The following LMO4 variants were observed in gnomAD, a reference collection of about 807,000 sequenced individuals.
LMO4 encodes the protein LIM domain transcription factor LMO4.
In LMO4, 3 loss-of-function variants were observed where a neutral mutation model predicts 18.5. The observed-to-expected ratio is 0.16, with a 90% CI of 0.07 to 0.42. The LOEUF (loss-of-function observed/expected upper bound fraction) is 0.42. LMO4 is among the 10% of genes least tolerant of loss of function. The pLI is 0.99. For missense variants in LMO4, 121 were observed against 219.9 expected, an observed-to-expected ratio of 0.55 and a Z score of 2.84; for synonymous variants, 100 against 88.1, an observed-to-expected ratio of 1.14 and a Z score of -0.76.
In LMO4 at chr1:87,336,867, T is replaced by G. The variant is rs115381679; in HGVS notation, c.237-2669T>G. 5.9e-3 allele frequency among the ~76,000 whole-genome samples: 896 copies of G among 152,266 alleles called. 8 individuals are homozygous for G. Among genetic ancestry groups the G allele is most frequent in the African/African-American group, 0.019 (797 of 41,542 alleles). ...CCATTATAGTCCAGTCTGAGACCGA[T>G]AGCTACTTAATTGAGCACCTAAAGC... On this transcript the variant is annotated intron_variant, in intron 2 of 4. Transcript: ENST00000370544.
intron 1 of LMO4, among the ~76,000 whole-genome samples, chr1:87,329,862 A>G (rs1650082890): frequency 6.6e-6 from 1 of 152,202 alleles, no homozygotes; most frequent in South Asian, 2.1e-4. Flanking sequence ...TCTCCATTAA[A>G]AAACACCAGA....
At chr1:87,339,951 T>C (rs1328549597) in intron 3 of LMO4, 96 bp from the exon 4 acceptor site, 1 of 1,367,170 alleles carries the variant, frequency 7.3e-7, no homozygotes, top group East Asian at 2.3e-5. Context: ...GTCTCTGTAC[T>C]TGACAGATAC....
chr1:87,337,064 T>A (rs1473491101), intron 2 of LMO4, among the ~76,000 whole-genome samples: 1 of 152,236 alleles, frequency 6.6e-6, no homozygotes, highest in Non-Finnish European at 1.5e-5. Context: ...GGGATTAGAA[T>A]GTGTATAGAC....
rs1235727035 is a variant in LMO4 at position 87,329,436 on chromosome 1, C to T, written c.-4+192C>T. Among the ~76,000 whole-genome samples the T allele has an allele frequency of 2.0e-5, 3 of 152,198 alleles. No individual in the cohort carries two copies. In the East Asian group the frequency reaches 5.8e-4, roughly 29 times the overall value. ...GCCTGCGAGCTAGCGCGGAGGGCAG[C>T]CCCGGGCCGCCAGCTTTGTAGCGGT... is the stretch of plus-strand genomic sequence containing the variant. On this transcript the variant is annotated intron_variant, in intron 1 of 4. Transcript: ENST00000370544.
intron 1 of LMO4, among the ~76,000 whole-genome samples, chr1:87,329,526 A>G (rs1650068736): frequency 8.2e-6 from 1 of 121,764 alleles, no homozygotes; most frequent in African/African-American, 3.2e-5. Flanking sequence ...GGGTGGGGAT[A>G]TTTCTAGTTC....
At chr1:87,336,747 A>T (rs1650326181) in intron 2 of LMO4, among the ~76,000 whole-genome samples, 1 of 152,164 alleles carries the variant, frequency 6.6e-6, no homozygotes, top group Admixed American at 6.5e-5. Flanking sequence ...AGGAAACTGA[A>T]ACCGATTCTG....
At chr1:87,336,270 C>T (rs1650310428) in intron 2 of LMO4, among the ~76,000 whole-genome samples, 1 of 152,152 alleles carries the variant, frequency 6.6e-6, no homozygotes, top group Admixed American at 6.5e-5. Flanking sequence ...TTTTTCTCCT[C>T]AGATAGGTTG....
rs1441444408 is a variant in LMO4, at chr1:87,348,863, G to A, written c.*4067G>A. The A allele has an allele frequency of 2.2e-6, 1 of 460,030 alleles. No homozygotes were observed. The highest frequency in any genetic ancestry group is 4.4e-6 in the Non-Finnish European group (1 of 228,622). The allele number at this position is 460,030 out of a possible 1,614,324, so 28.5% of individuals were successfully genotyped here. On this transcript the variant is annotated 3_prime_UTR_variant, in exon 5 of 5. Coordinates refer to ENST00000370544, the MANE Select transcript of LMO4 (RefSeq NM_006769.4). ...CTACAGGCCCTGACATGTTACAGCT[G>A]TGTAAACAGGGCCATTCTATTTCCT...
rs1036999163 is a variant in LMO4 at position 87,337,783 on chromosome 1, A to G, written c.237-1753A>G. On this transcript the variant is annotated intron_variant, in intron 2 of 4. Transcript: ENST00000370544. ...CTGAGAACTCCCCTGCGGCAGTGGT[A>G]CTGCAGGTGAGACACCGGGAGGTCC... 2.6e-5 allele frequency among the ~76,000 whole-genome samples: 4 copies of G among 152,174 alleles called. No individual in the cohort carries two copies. The East Asian group carries it at 5.8e-4, about 22-fold the overall frequency.
chr1:87,348,615 A>G lies in LMO4; in HGVS notation c.*3819A>G, dbSNP rs1305759818. ...GGTACCTAGTTAAAGAGGCATTTGT[A>G]GCCCTCTGCTCCCATCGTGAACATG... On this transcript the variant is annotated 3_prime_UTR_variant, in exon 5 of 5. Coordinates refer to ENST00000370544, the MANE Select transcript of LMO4 (RefSeq NM_006769.4). The G allele has an allele frequency of 2.2e-6, 1 of 448,028 alleles. No homozygotes were observed. Among genetic ancestry groups the G allele is most frequent in the Non-Finnish European group, 4.5e-6 (1 of 220,854 alleles). 27.8% of individuals were successfully genotyped at this position (448,028 alleles called of 1,614,324 possible). A position where few individuals can be genotyped will look rare whatever the true frequency, so the allele number is the denominator to read the frequency against.
In LMO4 at chr1:87,345,861, T is replaced by G. The variant is rs1650610613; in HGVS notation, c.*1065T>G. On this transcript the variant is annotated 3_prime_UTR_variant, in exon 5 of 5. Transcript: ENST00000370544. ...ACACTTCTATATCACAGTAAGTCTT[T>G]TGTGTTTATAAATACTTGAGTGTCC... 1 of 152,236 alleles carries G rather than the reference T, an allele frequency of 6.6e-6. No homozygotes were observed. Among genetic ancestry groups the G allele is most frequent in the Admixed American group, 6.5e-5 (1 of 15,288 alleles). The allele number at this position is 152,236 out of a possible 1,614,324, so 9.4% of individuals were successfully genotyped here. A position where few individuals can be genotyped will look rare whatever the true frequency, so the allele number is the denominator to read the frequency against.
At chr1:87,338,128 A>C (rs1485209301) in intron 2 of LMO4, among the ~76,000 whole-genome samples, 1 of 152,216 alleles carries the variant, frequency 6.6e-6, no homozygotes. Context: ...ATAACAACTT[A>C]CAGGCTATTT....
In LMO4 at chr1:87,347,413, G is replaced by A. The variant is rs529857787; in HGVS notation, c.*2617G>A. 1.3e-5 allele frequency: 2 copies of A among 152,154 alleles called. No individual in the cohort carries two copies. The highest frequency in any genetic ancestry group is 4.2e-4 in the South Asian group (2 of 4,816). The allele number at this position is 152,154 out of a possible 1,614,324, so 9.4% of individuals were successfully genotyped here. On this transcript the variant is annotated 3_prime_UTR_variant, in exon 5 of 5. Transcript: ENST00000370544. Reference sequence around the variant, plus strand: ...AAAACACTCAGGTTTATTCTGATGTGAGCAGCGATTGTGTGCAGTTCCTCC... The same window carrying A: ...AAAACACTCAGGTTTATTCTGATGTAAGCAGCGATTGTGTGCAGTTCCTCC...
intron 4 of LMO4, among the ~76,000 whole-genome samples, chr1:87,344,036 C>T (rs1046017307): frequency 6.6e-6 from 1 of 152,200 alleles, no homozygotes; most frequent in African/African-American, 2.4e-5. Context: ...TTTTATCTAT[C>T]ACAGGTCATT....
At chr1:87,339,491 G>A in intron 2 of LMO4, 45 bp from the exon 3 acceptor site, 1 of 1,387,102 alleles carries the variant, frequency 7.2e-7, no homozygotes, top group Non-Finnish European at 1.0e-6. Flanking sequence ...CTTTTTCTTT[G>A]GTTTAGGATT....
chr1:87,338,076 G>A (rs747824199), intron 2 of LMO4, among the ~76,000 whole-genome samples: 7 of 152,022 alleles, frequency 4.6e-5, no homozygotes, highest in Non-Finnish European at 1.0e-4. Context: ...CATCTTAAGG[G>A]GCAGTTTTAC....
Position 87,345,423 on chromosome 1 carries a change from A to G in LMO4, c.*627A>G, listed in dbSNP as rs1230354467. ...GAATGAAAAAAAGAAAAAAATTTGG[A>G]AAAAAAAATCAGGCTCATAGCAGCT... On this transcript the variant is annotated 3_prime_UTR_variant, in exon 5 of 5. Coordinates refer to ENST00000370544, the MANE Select transcript of LMO4 (RefSeq NM_006769.4). The G allele has an allele frequency of 2.7e-5, 4 of 145,934 alleles. No homozygotes were observed. Among genetic ancestry groups the G allele is most frequent in the Admixed American group, 2.0e-4 (3 of 14,978 alleles). 9.0% of individuals were successfully genotyped at this position (145,934 alleles called of 1,614,324 possible).
intron 2 of LMO4, among the ~76,000 whole-genome samples, chr1:87,333,278 G>A (rs927481910): frequency 6.6e-6 from 1 of 151,978 alleles, no homozygotes; most frequent in Non-Finnish European, 1.5e-5. Context: ...GCTTCTAGGA[G>A]GTGTTCTGTT....
chr1:87,345,410 GAA>G lies in LMO4; in HGVS notation c.*620_*621del, dbSNP rs1287043837. 4 of 148,988 alleles carry G rather than the reference GAA, an allele frequency of 2.7e-5. No individual in the cohort carries two copies. The highest frequency in any genetic ancestry group is 6.8e-3 in the Middle Eastern group (2 of 292). 9.2% of individuals were successfully genotyped at this position (148,988 alleles called of 1,614,324 possible). The stretch of plus-strand genomic sequence containing the variant: ...AAGAAAAAAAAAAGAATGAAAAAAA[GAA>G]AAAAATTTGGAAAAAAAAATCAGGC... On this transcript the variant is annotated 3_prime_UTR_variant, in exon 5 of 5. Coordinates refer to ENST00000370544, the MANE Select transcript of LMO4 (RefSeq NM_006769.4).
Sources: gnomAD v4.1 joint callset for allele counts (sites outside exome capture counted in the v4.1 genomes callset) on GRCh38, gnomAD v4.1.1 for gene constraint, MANE v1.5 for transcripts, NCBI Gene and HGNC (gene_info 2026-07-23, HGNC 2026-07-21) for gene names.